The following DCUN1D1 variants were observed in gnomAD, a reference collection of about 807,000 sequenced individuals.
The protein encoded by DCUN1D1 is DCN1-like protein 1.
Under a neutral mutation model 39.0 loss-of-function variants are expected in DCUN1D1, and 3 were observed. The ratio of observed to expected loss-of-function variants is 0.08; its 90% CI spans 0.04 to 0.20. DCUN1D1 has a LOEUF of 0.20. DCUN1D1 is among the 10% of genes least tolerant of loss of function. The pLI, the probability that DCUN1D1 is intolerant of heterozygous loss-of-function variation, is 1.00. For synonymous variants in DCUN1D1, 82 were observed against 96.3 expected, an observed-to-expected ratio of 0.85 and a Z score of 0.87; for missense variants, 158 against 302.4, an observed-to-expected ratio of 0.52 and a Z score of 3.54.
chr3:182,980,024 CG>C (rs2108407765), intron 1 of DCUN1D1: 2 of 298,204 alleles, frequency 6.7e-6, no homozygotes, highest in South Asian at 2.6e-4. Flanking sequence ...TCCTTCTCCC[CG>C]GCCGGGCGGA....
intron 4 of DCUN1D1, among the ~76,000 whole-genome samples, chr3:182,951,772 C>T (rs1726767131): frequency 6.6e-6 from 1 of 150,518 alleles, no homozygotes; most frequent in Non-Finnish European, 1.5e-5. Context: ...TCCCTGCTCA[C>T]CACAACCTCC....
chr3:182,947,376 A>G (rs1048420440), intron 5 of DCUN1D1, 42 bp from the exon 6 acceptor site: 10 of 1,377,964 alleles, frequency 7.3e-6, no homozygotes, highest in Non-Finnish European at 1.0e-5. Context: ...TATCACTAAA[A>G]AGAGCTGCAC....
intron 1 of DCUN1D1, among the ~76,000 whole-genome samples, chr3:182,978,417 T>C (rs1394203567): frequency 6.6e-6 from 1 of 152,202 alleles, no homozygotes; most frequent in African/African-American, 2.4e-5. Context: ...ACAAGGTCTG[T>C]TAGCCAGGCT....
At chr3:182,964,143 T>G (rs570860616) in intron 2 of DCUN1D1, 94 bp from the exon 3 acceptor site, 1 of 980,772 alleles carries the variant, frequency 1.0e-6, no homozygotes, top group African/African-American at 1.6e-5. Context: ...ATTTTTTAAA[T>G]GACCACAATA....
rs548860275 is a variant in DCUN1D1, at chr3:182,973,579, C to T, written c.3+6908G>A. On this transcript the variant is annotated intron_variant, in intron 1 of 6. Coordinates refer to ENST00000292782, the MANE Select transcript of DCUN1D1 (RefSeq NM_020640.4). ...ATCCCAGCACTTTGGGAGGCCAAGG[C>T]GGGCGGATCATGAGGTCAAGAGATT... Among the ~76,000 whole-genome samples, 192 of 152,230 alleles carry T rather than the reference C, an allele frequency of 1.3e-3. 1 individual carries two copies. Among genetic ancestry groups the T allele is most frequent in the African/African-American group, 2.2e-3 (91 of 41,534 alleles).
intron 1 of DCUN1D1, among the ~76,000 whole-genome samples, chr3:182,967,517 C>T (rs1577189831): frequency 6.6e-6 from 1 of 152,108 alleles, no homozygotes. Context: ...AATATCTATG[C>T]TCTAGAATCT....
upstream of DCUN1D1, among the ~76,000 whole-genome samples, chr3:182,982,017 A>G (rs1269778949): frequency 6.6e-6 from 1 of 152,218 alleles, no homozygotes; most frequent in African/African-American, 2.4e-5. Flanking sequence ...CTTTTGACCT[A>G]AAGTATTAAC....
chr3:182,951,667 A>T lies in DCUN1D1; in HGVS notation c.521-4035T>A, dbSNP rs535789444. On this transcript the variant is annotated intron_variant, in intron 4 of 6. Coordinates refer to ENST00000292782, the MANE Select transcript of DCUN1D1 (RefSeq NM_020640.4). ...AAAAACCACCACACACAAAAGAAAG[A>T]AAGTTCAGGTTGTAAAAGAAGATAA... Among the ~76,000 whole-genome samples the T allele has an allele frequency of 2.0e-3, 297 of 147,728 alleles. 5 individuals are homozygous for T. Among genetic ancestry groups the T allele is most frequent in the South Asian group, 0.014 (67 of 4,684 alleles).
chr3:182,952,403 T>C (rs924419197), intron 4 of DCUN1D1, among the ~76,000 whole-genome samples: 1 of 151,842 alleles, frequency 6.6e-6, no homozygotes, highest in African/African-American at 2.4e-5. Context: ...ATGTTATACA[T>C]TCAACCGCCC....
intron 1 of DCUN1D1, among the ~76,000 whole-genome samples, chr3:182,977,509 T>C (rs939110460): frequency 5.9e-5 from 9 of 151,966 alleles, no homozygotes; most frequent in Non-Finnish European, 1.3e-4. Context: ...CGATCTCGGC[T>C]CACTGCAACC....
In DCUN1D1 at chr3:182,947,668, T is replaced by C. The variant is rs1483050582; in HGVS notation, c.521-36A>G. 5 of 1,187,760 alleles carry C rather than the reference T, an allele frequency of 4.2e-6. No homozygotes were observed. The African/African-American group carries it at 7.7e-5, about 18-fold the overall frequency. The allele number at this position is 1,187,760 out of a possible 1,614,324, so 73.6% of individuals were successfully genotyped here. A position where few individuals can be genotyped will look rare whatever the true frequency, so the allele number is the denominator to read the frequency against. On this transcript the variant is annotated intron_variant, in intron 4 of 6. Transcript: ENST00000292782. ...AAAAATGAATTATGTATTTAAATGC[T>C]ATAAATATTTGTCCCTGCAAAAATA...
chr3:182,980,075 C>T lies in DCUN1D1; in HGVS notation c.3+412G>A, dbSNP rs1418861122. The T allele has an allele frequency of 1.2e-5, 11 of 885,448 alleles. No individual in the cohort carries two copies. In the Admixed American group the frequency reaches 3.7e-4, roughly 30 times the overall value. The allele number at this position is 885,448 out of a possible 1,614,324, so 54.8% of individuals were successfully genotyped here. ...CTTCGGGGCGGGGGGAGGCTACTCACCCGGAACCCCAGACCCCAGTCCCCG... is the reference window on the plus strand; with the variant it reads ...CTTCGGGGCGGGGGGAGGCTACTCATCCGGAACCCCAGACCCCAGTCCCCG... On this transcript the variant is annotated intron_variant, in intron 1 of 6. Coordinates refer to ENST00000292782, the MANE Select transcript of DCUN1D1 (RefSeq NM_020640.4).
In DCUN1D1 at chr3:182,964,437, CACA is replaced by C. The variant is rs942380272; in HGVS notation, c.221-391_221-389del. 8.5e-5 allele frequency among the ~76,000 whole-genome samples: 13 copies of C among 152,086 alleles called. No homozygotes were observed. In the South Asian group the frequency reaches 1.7e-3, roughly 19 times the overall value. ...TTTCTTAGAACAAAGTTCATTTTAC[CACA>C]ACAATTACTTCTTAAGAGTATCAGA... On this transcript the variant is annotated intron_variant, in intron 2 of 6. Transcript: ENST00000292782.
chr3:182,945,469 C>T (rs1726345297), intron 6 of DCUN1D1, among the ~76,000 whole-genome samples: 1 of 152,100 alleles, frequency 6.6e-6, no homozygotes. Flanking sequence ...CTGCAGTCAG[C>T]CAATGGAAGT....
chr3:182,962,077 C>T (rs1166356098), intron 3 of DCUN1D1, among the ~76,000 whole-genome samples: 1 of 152,034 alleles, frequency 6.6e-6, no homozygotes, highest in Non-Finnish European at 1.5e-5. Flanking sequence ...TTTGTAACAC[C>T]TTCCAGATCA....
intron 3 of DCUN1D1, among the ~76,000 whole-genome samples, chr3:182,962,553 C>T (rs1287050120): frequency 2.0e-5 from 3 of 152,190 alleles, no homozygotes; most frequent in African/African-American, 7.2e-5. Context: ...AGCATCACAG[C>T]TGGCCACACC....
At chr3:182,962,513 A>G in intron 3 of DCUN1D1, among the ~76,000 whole-genome samples, 1 of 152,220 alleles carries the variant, frequency 6.6e-6, no homozygotes, top group East Asian at 1.9e-4. Flanking sequence ...CACAGCCTGC[A>G]GCAAGTGGTC....
chr3:182,969,142 T>G (rs1434099514), intron 1 of DCUN1D1, among the ~76,000 whole-genome samples: 1 of 152,216 alleles, frequency 6.6e-6, no homozygotes, highest in African/African-American at 2.4e-5. Flanking sequence ...ACCACTTCTC[T>G]GTCAGCTCTC....
chr3:182,947,764 T>C (rs1045264606), intron 4 of DCUN1D1, 132 bp from the exon 5 acceptor site: 10 of 577,384 alleles, frequency 1.7e-5, no homozygotes, highest in South Asian at 1.3e-4. Context: ...TGAATACTTA[T>C]GTATTAAAAA....
Sources: allele counts gnomAD v4.1 joint callset (sites outside exome capture counted in the v4.1 genomes callset), GRCh38; gene constraint gnomAD v4.1.1; transcripts MANE v1.5; gene names NCBI Gene and HGNC (gene_info 2026-07-23, HGNC 2026-07-21).